Variants in KDM4C observed in about 807,000 individuals in gnomAD.
The protein encoded by KDM4C is lysine-specific demethylase 4C.
Under a neutral mutation model 129.3 loss-of-function variants are expected in KDM4C, and 81 were observed. The ratio of observed to expected loss-of-function variants is 0.63; its 90% CI spans 0.52 to 0.75. KDM4C has a LOEUF of 0.75. Ranked by LOEUF, KDM4C falls within the 30% of genes least tolerant of loss-of-function variation. The pLI, the probability that KDM4C is intolerant of heterozygous loss-of-function variation, is 0.00. For synonymous variants in KDM4C, 573 were observed against 456.1 expected (o/e 1.26, Z -3.26); for missense variants, 1,457 against 1,304.0 (o/e 1.12, Z -1.81).
At chr9:6,765,731 A>G (rs1413079278) in intron 1 of KDM4C, among the ~76,000 whole-genome samples, 1 of 152,236 alleles carries the variant, frequency 6.6e-6, no homozygotes, top group African/African-American at 2.4e-5. Context: ...ACATAAATAT[A>G]TAAAATTGAA....
intron 4 of KDM4C, among the ~76,000 whole-genome samples, chr9:6,824,282 C>G (rs112483746): frequency 2.6e-4 from 40 of 152,210 alleles, no homozygotes; most frequent in African/African-American, 9.2e-4. Flanking sequence ...CATGTATTCT[C>G]TAGCTCCAGT....
chr9:7,088,134 G>C (rs928676381), intron 17 of KDM4C, among the ~76,000 whole-genome samples: 1 of 152,158 alleles, frequency 6.6e-6, no homozygotes, highest in African/African-American at 2.4e-5. Context: ...CCAATCCTGA[G>C]AGCAGTGTTT....
chr9:7,058,220 C>T (rs757801969), intron 17 of KDM4C, among the ~76,000 whole-genome samples: 3 of 152,174 alleles, frequency 2.0e-5, no homozygotes, highest in Non-Finnish European at 4.4e-5. Flanking sequence ...GGGGATAAAT[C>T]ACTGTTTGGA....
At chr9:7,105,001 TA>T (rs1430050477) in intron 18 of KDM4C, among the ~76,000 whole-genome samples, 3 of 145,248 alleles carry the variant, frequency 2.1e-5, no homozygotes, top group African/African-American at 7.3e-5. Flanking sequence ...ACATCTATTT[TA>T]TTTGTCTTAT....
intron 8 of KDM4C, among the ~76,000 whole-genome samples, chr9:6,937,003 T>C (rs1052095351): frequency 1.3e-5 from 2 of 152,230 alleles, no homozygotes; most frequent in African/African-American, 4.8e-5. Flanking sequence ...TAGTTACATA[T>C]AATATTTTGG....
chr9:6,971,761 A>G (rs1313981989), intron 8 of KDM4C, among the ~76,000 whole-genome samples: 1 of 152,170 alleles, frequency 6.6e-6, no homozygotes. Context: ...TATCTAATCA[A>G]GGGTTCTACA....
At chr9:6,932,633 C>A (rs1823959165) in intron 8 of KDM4C, among the ~76,000 whole-genome samples, 1 of 152,140 alleles carries the variant, frequency 6.6e-6, no homozygotes, top group African/African-American at 2.4e-5. Flanking sequence ...AAGTGTCTCC[C>A]CCTGGTGCAC....
At chr9:7,100,273 T>C (rs1476810265) in intron 17 of KDM4C, among the ~76,000 whole-genome samples, 2 of 152,222 alleles carry the variant, frequency 1.3e-5, no homozygotes, top group Non-Finnish European at 2.9e-5. Flanking sequence ...AGGTTAGGGA[T>C]ACAGAAAACA....
intron 8 of KDM4C, among the ~76,000 whole-genome samples, chr9:6,917,821 C>G (rs145877151): frequency 6.6e-6 from 1 of 152,240 alleles, no homozygotes; most frequent in East Asian, 1.9e-4. Flanking sequence ...ATTCTTTTAC[C>G]TGATTGAATT....
At chr9:7,039,327 C>G (rs1266812397) in intron 15 of KDM4C, among the ~76,000 whole-genome samples, 1 of 151,972 alleles carries the variant, frequency 6.6e-6, no homozygotes, top group African/African-American at 2.4e-5. Flanking sequence ...CTCTCTAATT[C>G]TGTTCTTAGG....
At chr9:7,103,596 C>G in intron 17 of KDM4C, 89 bp from the exon 18 acceptor site, 2,447 of 353,988 alleles carry the variant, frequency 6.9e-3, no homozygotes, top group East Asian at 0.012. Flanking sequence ...TTTTTTTTTT[C>G]TTCTCTAGTA....
intron 2 of KDM4C, among the ~76,000 whole-genome samples, chr9:6,793,346 TAAA>T: frequency 6.9e-6 from 1 of 145,814 alleles, no homozygotes; most frequent in South Asian, 2.2e-4. Flanking sequence ...TTCTAAGGCT[TAAA>T]AAAAAAAAAT....
chr9:6,883,719 G>C (rs76979621), intron 6 of KDM4C, among the ~76,000 whole-genome samples: 5 of 152,294 alleles, frequency 3.3e-5, no homozygotes, highest in Non-Finnish European at 7.3e-5. Context: ...TTATGGGGAA[G>C]TGAAGATTTC....
intron 15 of KDM4C, among the ~76,000 whole-genome samples, chr9:7,026,326 TC>T: frequency 6.6e-6 from 1 of 152,162 alleles, no homozygotes; most frequent in East Asian, 1.9e-4. Context: ...TCCTTTACGT[TC>T]AGAGGATATT....
At chr9:6,906,989 A>G (rs983724068) in intron 8 of KDM4C, among the ~76,000 whole-genome samples, 1 of 152,190 alleles carries the variant, frequency 6.6e-6, no homozygotes, top group Admixed American at 6.5e-5. Context: ...TCTAGAAACT[A>G]TTCTCGTAAC....
chr9:7,039,470 A>G (rs1197239395), intron 15 of KDM4C, among the ~76,000 whole-genome samples: 1 of 151,838 alleles, frequency 6.6e-6, no homozygotes, highest in Non-Finnish European at 1.5e-5. Flanking sequence ...ACTTATTTTT[A>G]AAAACTTATT....
intron 18 of KDM4C, among the ~76,000 whole-genome samples, chr9:7,107,441 G>C (rs1837820230): frequency 6.6e-6 from 1 of 152,214 alleles, no homozygotes; most frequent in Non-Finnish European, 1.5e-5. Context: ...CCCTGTGGAA[G>C]GGATGCCTGA....
chr9:6,862,617 A>C lies in KDM4C; in HGVS notation c.629+12917A>C, dbSNP rs147587341. On this transcript the variant is annotated intron_variant, in intron 5 of 21. Transcript: ENST00000381309. The stretch of plus-strand genomic sequence containing the variant: ...CAGGAGTTCGAGACCAGCCTGGCCA[A>C]CATGGTGAAACCCCATCTCTACTAA... Among the ~76,000 whole-genome samples the C allele has an allele frequency of 9.2e-5, 14 of 152,308 alleles. No individual in the cohort carries two copies. The East Asian group carries it at 2.5e-3, about 27-fold the overall frequency.
At chr9:6,772,745 T>G (rs1306915781) in intron 1 of KDM4C, among the ~76,000 whole-genome samples, 1 of 147,646 alleles carries the variant, frequency 6.8e-6, no homozygotes, top group African/African-American at 2.5e-5. Context: ...CATGCTGGAG[T>G]GAAGTGGCGC....
Sources: gnomAD v4.1 joint callset for allele counts (sites outside exome capture counted in the v4.1 genomes callset) on GRCh38, gnomAD v4.1.1 for gene constraint, MANE v1.5 for transcripts, NCBI Gene and HGNC (gene_info 2026-07-23, HGNC 2026-07-21) for gene names.